Variants in SEZ6L observed in about 807,000 individuals in gnomAD.
SEZ6L encodes the protein seizure related 6 homolog like, also known as seizure 6-like protein.
A neutral mutation model predicts 106.2 loss-of-function variants in SEZ6L; 37 were observed. The ratio of observed to expected loss-of-function variants is 0.35; its 90% confidence interval spans 0.27 to 0.46. The LOEUF (loss-of-function observed/expected upper bound fraction) is 0.46, where lower values mean the gene tolerates loss of function less well. Among genes scored for constraint, SEZ6L ranks in the 20% least tolerant of loss-of-function variants. The pLI, the probability that SEZ6L is intolerant of heterozygous loss-of-function variation, is 1.00. For synonymous variants in SEZ6L, 541 were observed against 570.4 expected, an observed-to-expected ratio of 0.95 and a Z score of 0.73; for missense variants, 1,172 against 1,332.8, an observed-to-expected ratio of 0.88 and a Z score of 1.88.
chr22:26,278,208 GGAGT>G (rs566918390), intron 1 of SEZ6L, among the ~76,000 whole-genome samples: 214 of 152,338 alleles, frequency 1.4e-3, no homozygotes, highest in African/African-American at 5.0e-3. Flanking sequence ...AGGAGGTTGT[GGAGT>G]GAGGGCCACG....
chr22:26,348,584 AAGAG>A (rs558446513), intron 11 of SEZ6L, among the ~76,000 whole-genome samples: 1 of 79,122 alleles, frequency 1.3e-5, no homozygotes, highest in Non-Finnish European at 2.2e-5. Context: ...GAAAGAAAGA[AAGAG>A]AAAGAAAGAA....
At chr22:26,169,978 C>A (rs1222337529) in intron 1 of SEZ6L, among the ~76,000 whole-genome samples, 1 of 152,110 alleles carries the variant, frequency 6.6e-6, no homozygotes, top group East Asian at 1.9e-4. Flanking sequence ...CGGGCGCTTC[C>A]CTGCTTCGGC....
intron 1 of SEZ6L, among the ~76,000 whole-genome samples, chr22:26,223,068 A>G (rs542039613): frequency 1.3e-5 from 2 of 152,116 alleles, no homozygotes; most frequent in South Asian, 4.2e-4. Context: ...TGAACTTTTT[A>G]CTTTTGTTGT....
At chr22:26,204,111 T>G (rs1228195132) in intron 1 of SEZ6L, among the ~76,000 whole-genome samples, 1 of 152,172 alleles carries the variant, frequency 6.6e-6, no homozygotes, top group East Asian at 1.9e-4. Context: ...CATTCCTACA[T>G]CTTATTGCTT....
At chr22:26,279,917 G>A (rs1333440137) in intron 1 of SEZ6L, among the ~76,000 whole-genome samples, 1 of 152,146 alleles carries the variant, frequency 6.6e-6, no homozygotes, top group Non-Finnish European at 1.5e-5. Flanking sequence ...GCCCTCCTCT[G>A]AAATTGAGGT....
At chr22:26,293,234 A>G in intron 2 of SEZ6L, 88 bp downstream of exon 2, 1 of 1,435,732 alleles carries the variant, frequency 7.0e-7, no homozygotes, top group Non-Finnish European at 9.1e-7. Flanking sequence ...GAATCTCAAG[A>G]AGCCCCGGCC....
At position 26,292,639 on chromosome 22, in the gene SEZ6L, A is replaced by G; in HGVS notation, c.328A>G (p.Lys110Glu). ...SPLLPEEARP[K>E]HALPPKKKLP... ...GCTGCTTCCAGAGGAGGCCCGCCCCAAGCACGCCTTGCCCCCCAAGAAGAA... is the reference window on the plus strand; with the variant it reads ...GCTGCTTCCAGAGGAGGCCCGCCCCGAGCACGCCTTGCCCCCCAAGAAGAA... The change falls in exon 2 of 17, where the codon AAG (lysine) becomes GAG (glutamate). Residue 110 changes from lysine to glutamate, a missense_variant. Transcript: ENST00000248933. 6.2e-7 allele frequency: 1 copy of G among 1,613,198 alleles called. No individual in the cohort carries two copies. The highest frequency in any genetic ancestry group is 8.5e-7 in the Non-Finnish European group (1 of 1,179,766).
At chr22:26,292,310 G>GGGCACCGCCTAA (rs2081152644) in intron 1 of SEZ6L, 96 bp from the exon 2 acceptor site, 1 of 944,390 alleles carries the variant, frequency 1.1e-6, no homozygotes, top group Admixed American at 2.7e-5. Flanking sequence ...GACGAGCTTT[G>GGGCACCGCCTAA]GGCACCGCCC....
intron 1 of SEZ6L, among the ~76,000 whole-genome samples, chr22:26,224,762 C>A (rs757177427): frequency 2.6e-5 from 4 of 152,114 alleles, no homozygotes; most frequent in Admixed American, 6.6e-5. Flanking sequence ...GGTAGGCAAT[C>A]AAGGATGCTG....
At chr22:26,358,860 G>T (rs2083522121) in intron 12 of SEZ6L, among the ~76,000 whole-genome samples, 1 of 152,206 alleles carries the variant, frequency 6.6e-6, no homozygotes, top group African/African-American at 2.4e-5. Flanking sequence ...TCAGGGCCCA[G>T]GATGCTGCTC....
intron 5 of SEZ6L, 29 bp downstream of exon 5, chr22:26,299,198 C>G (rs1235018391): frequency 1.5e-6 from 2 of 1,362,276 alleles, no homozygotes; most frequent in South Asian, 2.0e-5. Flanking sequence ...CGGACCAAAC[C>G]TGATGGTCCA....
intron 1 of SEZ6L, among the ~76,000 whole-genome samples, chr22:26,185,082 C>CAAACA (rs1056867121): frequency 5.9e-5 from 9 of 152,224 alleles, no homozygotes; most frequent in African/African-American, 9.6e-5. Context: ...AGACTCTGTC[C>CAAACA]AAACAAAACA....
intron 12 of SEZ6L, among the ~76,000 whole-genome samples, chr22:26,357,188 A>G (rs571610299): frequency 1.3e-5 from 2 of 151,948 alleles, no homozygotes; most frequent in East Asian, 3.9e-4. Context: ...CTTGTGATCC[A>G]CCCGCCTTGA....
intron 1 of SEZ6L, among the ~76,000 whole-genome samples, chr22:26,209,499 AT>A (rs2078082233): frequency 2.4e-5 from 3 of 124,216 alleles, no homozygotes; most frequent in Non-Finnish European, 5.2e-5. Context: ...GGATGGATGG[AT>A]GGCAGGGAGG....
rs564254174 is a variant in SEZ6L, at chr22:26,292,391, T to C, written c.95-15T>C. ...ATCTCCCCAAACTAACTGGTGTCTT[T>C]TCTCCTCTTCCAAGATGCTCTTCCC... On this transcript the variant is annotated splice_polypyrimidine_tract_variant and intron_variant, in intron 1 of 16. Coordinates refer to ENST00000248933, the MANE Select transcript of SEZ6L (RefSeq NM_021115.5). 6 of 1,597,708 alleles carry C rather than the reference T, an allele frequency of 3.8e-6. No individual in the cohort carries two copies. The highest frequency in any genetic ancestry group is 5.1e-6 in the Non-Finnish European group (6 of 1,169,636).
At chr22:26,315,646 C>T (rs931592322) in intron 9 of SEZ6L, among the ~76,000 whole-genome samples, 5 of 152,056 alleles carry the variant, frequency 3.3e-5, no homozygotes, top group African/African-American at 4.8e-5. Flanking sequence ...CACCTGTTCT[C>T]GCCTCTCTCT....
At chr22:26,217,952 C>T (rs1325792860) in intron 1 of SEZ6L, among the ~76,000 whole-genome samples, 1 of 152,224 alleles carries the variant, frequency 6.6e-6, no homozygotes. Context: ...ACACAGGCTC[C>T]CTCTGCAAAC....
intron 1 of SEZ6L, among the ~76,000 whole-genome samples, chr22:26,279,924 A>G (rs2080705824): frequency 6.6e-6 from 1 of 152,194 alleles, no homozygotes. Flanking sequence ...TCTGAAATTG[A>G]GGTGACAAAG....
rs541185442 is a variant in SEZ6L, at chr22:26,199,824, T to C, written c.94+30061T>C. ...AAGACTTGAGGCCGAACTAAACAAA[T>C]GAAGAGGAGGAAAGGGAGCTGACAG... On this transcript the variant is annotated intron_variant, in intron 1 of 16. Coordinates refer to ENST00000248933, the MANE Select transcript of SEZ6L (RefSeq NM_021115.5). 7.9e-5 allele frequency among the ~76,000 whole-genome samples: 12 copies of C among 152,266 alleles called. No homozygotes were observed. The South Asian group carries it at 2.5e-3, about 32-fold the overall frequency.
Sources: allele counts gnomAD v4.1 joint callset (sites outside exome capture counted in the v4.1 genomes callset), GRCh38; gene constraint gnomAD v4.1.1; transcripts MANE v1.5; gene names NCBI Gene and HGNC (gene_info 2026-07-23, HGNC 2026-07-21).